The following INTU variants were observed in gnomAD, a reference collection of about 807,000 sequenced individuals.
The protein encoded by INTU is inturned planar cell polarity protein.
Under a neutral mutation model 100.5 loss-of-function variants are expected in INTU, and 68 were observed. The observed-to-expected ratio is 0.68, with a 90% CI of 0.56 to 0.83. The LOEUF is 0.83. Among genes scored for constraint, INTU ranks in the 40% least tolerant of loss-of-function variants. The probability of loss-of-function intolerance (pLI) is 0.00; values close to 1 mark genes in which losing one functional copy is unlikely to be tolerated. For synonymous variants in INTU, 357 were observed against 395.7 expected, an observed-to-expected ratio of 0.90 and a Z score of 1.16; for missense variants, 1,071 against 1,114.7, an observed-to-expected ratio of 0.96 and a Z score of 0.56.
chr4:127,709,711 T>TCACACACACACACACACACA lies in INTU; in HGVS notation c.2369+1058_2369+1077dup, dbSNP rs3066389. Among the ~76,000 whole-genome samples the TCACACACACACACACACACA allele has an allele frequency of 8.9e-4, 127 of 143,380 alleles. 1 individual carries two copies. The highest frequency in any genetic ancestry group is 3.0e-3 in the African/African-American group (116 of 38,240). 94.1% of individuals were successfully genotyped at this position (143,380 alleles called of 152,430 possible). A position where few individuals can be genotyped will look rare whatever the true frequency, so the allele number is the denominator to read the frequency against. The stretch of plus-strand genomic sequence containing the variant: ...ACAACTAGACACGTACTAATAGAAT[T>TCACACACACACACACACACA]CACACACACACACACACACACACAC... On this transcript the variant is annotated intron_variant, in intron 13 of 15. Transcript: ENST00000335251.
At position 127,725,950 on chromosome 4, in the gene INTU, A is replaced by T. The variant is rs933251847; in HGVS notation, c.*9514A>T. On this transcript the variant is annotated 3_prime_UTR_variant, in exon 16 of 16. Coordinates refer to ENST00000335251, the MANE Select transcript of INTU (RefSeq NM_015693.4). ...ATTAAATAAAGGGGGACAGGATGAC[A>T]GTGCAGATATCCTAGAAATATGCTT... The T allele has an allele frequency of 6.6e-6, 1 of 152,224 alleles. No individual in the cohort carries two copies. Among genetic ancestry groups the T allele is most frequent in the Non-Finnish European group, 1.5e-5 (1 of 68,030 alleles). 9.4% of individuals were successfully genotyped at this position (152,224 alleles called of 1,614,324 possible). A position where few individuals can be genotyped will look rare whatever the true frequency, so the allele number is the denominator to read the frequency against.
Position 127,673,550 on chromosome 4 carries a change from CT to C in INTU, c.1092-561del, listed in dbSNP as rs541112035. Among the ~76,000 whole-genome samples the C allele has an allele frequency of 2.1e-3, 303 of 144,458 alleles. 1 individual carries two copies. The highest frequency in any genetic ancestry group is 4.8e-3 in the South Asian group (22 of 4,554). 94.8% of individuals were successfully genotyped at this position (144,458 alleles called of 152,430 possible). A position where few individuals can be genotyped will look rare whatever the true frequency, so the allele number is the denominator to read the frequency against. On this transcript the variant is annotated intron_variant, in intron 5 of 15. Coordinates refer to ENST00000335251, the MANE Select transcript of INTU (RefSeq NM_015693.4). ...CTTAATGTTAGCAAGAGAATTTCAA[CT>C]TTTTTTTTTTTTCTATAATAGGTCT...
chr4:127,691,253 C>A (rs537623353), intron 8 of INTU, among the ~76,000 whole-genome samples: 4 of 152,182 alleles, frequency 2.6e-5, no homozygotes, highest in Non-Finnish European at 1.5e-5. Context: ...TTTATCCATT[C>A]GCTGAAAATC....
At chr4:127,684,955 T>G (rs1291826447) in intron 7 of INTU, among the ~76,000 whole-genome samples, 2 of 152,076 alleles carry the variant, frequency 1.3e-5, no homozygotes, top group African/African-American at 4.8e-5. Context: ...AAAATACATT[T>G]TTGTGTTTTT....
intron 3 of INTU, among the ~76,000 whole-genome samples, chr4:127,659,109 G>C (rs770853317): frequency 4.6e-5 from 7 of 152,154 alleles, no homozygotes; most frequent in Non-Finnish European, 1.5e-5. Flanking sequence ...GCAATAATGT[G>C]AGTGATGGGG....
intron 8 of INTU, among the ~76,000 whole-genome samples, chr4:127,688,589 A>C (rs1476739198): frequency 1.3e-5 from 2 of 152,104 alleles, no homozygotes. Flanking sequence ...TCAAGTTCCT[A>C]CTCTTCATAA....
rs528522010 is a variant in INTU, at chr4:127,689,341, A to G, written c.1449+1474A>G. 9.9e-5 allele frequency among the ~76,000 whole-genome samples: 15 copies of G among 151,998 alleles called. No individual in the cohort carries two copies. In the South Asian group the frequency reaches 2.9e-3, roughly 29 times the overall value. Reference sequence around the variant, plus strand: ...AGTATGAGATATATAATTCTACCTAATATTTTCATAAGAATATATAAGCAT... The same window carrying G: ...AGTATGAGATATATAATTCTACCTAGTATTTTCATAAGAATATATAAGCAT... On this transcript the variant is annotated intron_variant, in intron 8 of 15. Transcript: ENST00000335251.
chr4:127,711,061 CT>C lies in INTU; in HGVS notation c.2521del (p.Ser841ProfsTer18), dbSNP rs1368992007. 1 of 1,605,214 alleles carries C rather than the reference CT, an allele frequency of 6.2e-7. No homozygotes were observed. Among genetic ancestry groups the C allele is most frequent in the Admixed American group, 1.7e-5 (1 of 59,846 alleles). ...AATAAAGAATTTCCATCAGTGTTGT[CT>C]TTCCATTCGTGCAGTTTTCCAACAG... is the stretch of plus-strand genomic sequence containing the variant. ...QLIKNFHQCC[L>X]SIRAVFQQTL... On this transcript the variant is annotated frameshift_variant, in exon 14 of 16. Transcript: ENST00000335251. LOFTEE classifies it high-confidence loss of function.
At chr4:127,681,783 C>T (rs1206853153) in intron 6 of INTU, among the ~76,000 whole-genome samples, 1 of 152,086 alleles carries the variant, frequency 6.6e-6, no homozygotes, top group African/African-American at 2.4e-5. Context: ...AGCTTCTACA[C>T]AGCAAAAGAA....
intron 7 of INTU, among the ~76,000 whole-genome samples, 160 bp downstream of exon 7, chr4:127,684,646 T>C (rs544100200): frequency 1.3e-5 from 2 of 151,230 alleles, no homozygotes; most frequent in East Asian, 1.9e-4. Context: ...TCCTCCTCCT[T>C]CTTCCTTCTC....
chr4:127,652,914 A>G (rs983565099), intron 2 of INTU, among the ~76,000 whole-genome samples: 1 of 143,184 alleles, frequency 7.0e-6, no homozygotes, highest in Non-Finnish European at 1.5e-5. Flanking sequence ...TTATTGGTCT[A>G]TTCAGAGATT....
chr4:127,645,454 G>A lies in INTU; in HGVS notation c.682+1398G>A, dbSNP rs1343090255. Reference sequence around the variant, plus strand: ...CCCCAACCACCATCTGCCTGTAACTGCATGAGGAATCCCAAGTGAGAACCA... The same window carrying A: ...CCCCAACCACCATCTGCCTGTAACTACATGAGGAATCCCAAGTGAGAACCA... On this transcript the variant is annotated intron_variant, in intron 2 of 15. Coordinates refer to ENST00000335251, the MANE Select transcript of INTU (RefSeq NM_015693.4). 2.0e-5 allele frequency among the ~76,000 whole-genome samples: 3 copies of A among 152,108 alleles called. No individual in the cohort carries two copies. In the East Asian group the frequency reaches 5.8e-4, roughly 29 times the overall value.
intron 4 of INTU, among the ~76,000 whole-genome samples, chr4:127,666,191 C>T (rs1162186212): frequency 6.6e-6 from 1 of 152,028 alleles, no homozygotes; most frequent in Admixed American, 6.6e-5. Context: ...TTCAAATCTG[C>T]CATGATATCC....
chr4:127,723,164 T>C lies in INTU; in HGVS notation c.*6728T>C, dbSNP rs1306185882. The C allele has an allele frequency of 6.6e-6, 1 of 152,232 alleles. No individual in the cohort carries two copies. The highest frequency in any genetic ancestry group is 1.5e-5 in the Non-Finnish European group (1 of 68,066). The allele number at this position is 152,232 out of a possible 1,614,324, so 9.4% of individuals were successfully genotyped here. A position where few individuals can be genotyped will look rare whatever the true frequency, so the allele number is the denominator to read the frequency against. Reference sequence around the variant, plus strand: ...AAAATCCTTCACCATCTCCCTTGGCTGGACGAGGGAGTTCACTTTGCTGCG... The same window carrying C: ...AAAATCCTTCACCATCTCCCTTGGCCGGACGAGGGAGTTCACTTTGCTGCG... On this transcript the variant is annotated 3_prime_UTR_variant, in exon 16 of 16. Transcript: ENST00000335251.
Position 127,657,858 on chromosome 4 carries a change from A to G in INTU, c.768+1137A>G, listed in dbSNP as rs1236482178. Among the ~76,000 whole-genome samples, 28 of 152,066 alleles carry G rather than the reference A, an allele frequency of 1.8e-4. 1 individual carries two copies. The highest frequency in any genetic ancestry group is 4.1e-4 in the Non-Finnish European group (28 of 68,022). ...TATATTACAATGTATTATAATAATA[A>G]TAGAAATAAAGTGCACAATAAATGT... On this transcript the variant is annotated intron_variant, in intron 3 of 15. Transcript: ENST00000335251.
rs1729722815 is a variant in INTU at position 127,684,478 on chromosome 4, T to A, written c.1251T>A (p.Ser417=). The A allele has an allele frequency of 6.6e-7, 1 of 1,518,130 alleles. No individual in the cohort carries two copies. The highest frequency in any genetic ancestry group is 1.7e-5 in the Admixed American group (1 of 57,608). The allele number at this position is 1,518,130 out of a possible 1,614,324, so 94.0% of individuals were successfully genotyped here. A position where few individuals can be genotyped will look rare whatever the true frequency, so the allele number is the denominator to read the frequency against. The change falls in exon 7 of 16, where the codon TCT becomes TCA. Residue 417 remains serine (S), a synonymous_variant. Coordinates refer to ENST00000335251, the MANE Select transcript of INTU (RefSeq NM_015693.4). The stretch of plus-strand genomic sequence containing the variant: ...AAACCTTAAAATTTATGTATGGTTC[T>A]TTAGATAGGTAAGTACTTCTTCAAA... ...VIQTLKFMYG[S]LDSAFCQIEN...
intron 1 of INTU, among the ~76,000 whole-genome samples, chr4:127,639,291 T>C (rs1437805490): frequency 6.6e-6 from 1 of 152,162 alleles, no homozygotes; most frequent in African/African-American, 2.4e-5. Context: ...ATTACCTTGA[T>C]CACTTGGTTA....
intron 14 of INTU, among the ~76,000 whole-genome samples, chr4:127,713,125 C>G (rs1452717103): frequency 6.6e-6 from 1 of 152,038 alleles, no homozygotes; most frequent in Non-Finnish European, 1.5e-5. Flanking sequence ...ACAGTTCTGC[C>G]CAAATAAGGG....
intron 5 of INTU, among the ~76,000 whole-genome samples, chr4:127,670,319 A>G (rs1728865807): frequency 1.3e-5 from 2 of 151,750 alleles, no homozygotes; most frequent in Non-Finnish European, 2.9e-5. Context: ...CCCCATATTC[A>G]GGTAGAAATG....
Sources: allele counts gnomAD v4.1 joint callset (sites outside exome capture counted in the v4.1 genomes callset), GRCh38; gene constraint gnomAD v4.1.1; transcripts MANE v1.5; gene names NCBI Gene and HGNC (gene_info 2026-07-23, HGNC 2026-07-21).